MROH1: variants seen among roughly 807,000 people sequenced by gnomAD.
MROH1 encodes maestro heat-like repeat-containing protein family member 1.
MROH1 carries 117 observed loss-of-function variants against 116.5 expected under a neutral mutation model. The ratio of observed to expected loss-of-function variants is 1.00; its 90% confidence interval spans 0.86 to 1.17. The LOEUF is 1.17. MROH1 is among the 50% of genes most tolerant of loss of function. MROH1 has a pLI of 0.00. For missense variants in MROH1, 1,873 were observed against 1,338.5 expected (o/e 1.40, Z -6.23); for synonymous variants, 921 against 583.9 (o/e 1.58, Z -8.32).
chr8:144,187,806 TG>T (rs1827567261), intron 7 of MROH1, among the ~76,000 whole-genome samples: 1 of 152,146 alleles, frequency 6.6e-6, no homozygotes, highest in African/African-American at 2.4e-5. Flanking sequence ...TTTGTCTGGG[TG>T]GCGCTTCTCA....
rs948400112 is a variant in MROH1 at position 144,241,119 on chromosome 8, C to T, written c.2055+8C>T. The stretch of plus-strand genomic sequence containing the variant: ...GAGGAGGCAGAACGCGAGGTGGGGC[C>T]GCTTTCCCTGCAGAAGCCCCAGACA... On this transcript the variant is annotated splice_region_variant and intron_variant, in intron 21 of 43. Coordinates refer to ENST00000326134, the MANE Select transcript of MROH1 (RefSeq NM_032450.3). 8 of 749,638 alleles carry T rather than the reference C, an allele frequency of 1.1e-5. No homozygotes were observed. The highest frequency in any genetic ancestry group is 1.9e-5 in the Admixed American group (1 of 54,044). 46.4% of individuals were successfully genotyped at this position (749,638 alleles called of 1,614,324 possible). A position where few individuals can be genotyped will look rare whatever the true frequency, so the allele number is the denominator to read the frequency against.
At position 144,234,775 on chromosome 8, in the gene MROH1, C is replaced by T. The variant is rs72695483; in HGVS notation, c.1339-3981C>T. On this transcript the variant is annotated intron_variant, in intron 14 of 43. Coordinates refer to ENST00000326134, the MANE Select transcript of MROH1 (RefSeq NM_032450.3). ...TCAAGCCATCTACCCACCTTGGCCT[C>T]CTTAAGTGCTGGGACCACAGGTGTG... Among the ~76,000 whole-genome samples, 784 of 151,016 alleles carry T rather than the reference C, an allele frequency of 5.2e-3. 3 individuals are homozygous for T. Among genetic ancestry groups the T allele is most frequent in the Non-Finnish European group, 8.7e-3 (592 of 67,780 alleles).
intron 3 of MROH1, among the ~76,000 whole-genome samples, 177 bp downstream of exon 3, chr8:144,164,025 A>G (rs964096403): frequency 1.3e-5 from 2 of 151,530 alleles, no homozygotes; most frequent in Non-Finnish European, 2.9e-5. Context: ...CTTCTCCCAC[A>G]CGAGCCTTCA....
At position 144,180,531 on chromosome 8, in the gene MROH1, G is replaced by A. The variant is rs1207035356; in HGVS notation, c.562+8G>A. 6.2e-7 allele frequency: 1 copy of A among 1,607,270 alleles called. No individual in the cohort carries two copies. Among genetic ancestry groups the A allele is most frequent in the East Asian group, 2.2e-5 (1 of 44,836 alleles). ...GCGTGGCCTTCTGCTCCGGTAAGAG[G>A]CGGCCTCGTCACCTTCTGTCTCAAG... On this transcript the variant is annotated splice_region_variant and intron_variant, in intron 7 of 43. Transcript: ENST00000326134. The surrounding 1 kb of genome is among the most constrained non-coding windows in gnomAD (Gnocchi z 7.4).
chr8:144,232,639 G>A (rs1461120313), intron 14 of MROH1, among the ~76,000 whole-genome samples: 1 of 151,608 alleles, frequency 6.6e-6, no homozygotes, highest in Non-Finnish European at 1.5e-5. Context: ...GACTACATGC[G>A]CACACCGCCA....
chr8:144,218,122 C>T lies in MROH1; in HGVS notation c.1142-2478C>T, dbSNP rs556528859. On this transcript the variant is annotated intron_variant, in intron 12 of 43. Transcript: ENST00000326134. ...TCTTGCCCCATGGCTTGGAAGCCAG[C>T]GCCCCGTCAGCCCCTATCCTAGTGT... 2.0e-5 allele frequency among the ~76,000 whole-genome samples: 3 copies of T among 152,286 alleles called. No homozygotes were observed. The South Asian group carries it at 6.2e-4, about 32-fold the overall frequency.
chr8:144,251,966 TG>T, intron 33 of MROH1: 1 of 235,294 alleles, frequency 4.2e-6, no homozygotes, highest in Non-Finnish European at 8.5e-6. Flanking sequence ...CGGGTGCTGC[TG>T]CCCATCCTTC....
chr8:144,234,532 T>TTTTTTTTTTTTTTTTTTTTTTTTTTTG (rs1839682306), intron 14 of MROH1, among the ~76,000 whole-genome samples: 1 of 124,312 alleles, frequency 8.0e-6, no homozygotes, highest in Admixed American at 8.2e-5. Context: ...TTTTTTTTTT[T>TTTTTTTTTTTTTTTTTTTTTTTTTTTG]TTCAAAAAGA....
At chr8:144,228,379 C>A (rs985875414) in intron 14 of MROH1, among the ~76,000 whole-genome samples, 3 of 152,158 alleles carry the variant, frequency 2.0e-5, no homozygotes, top group African/African-American at 4.8e-5. Flanking sequence ...CAGTCATAAT[C>A]TTCTTGTTGG....
chr8:144,183,793 G>T (rs73366541), intron 7 of MROH1, among the ~76,000 whole-genome samples: 1 of 151,784 alleles, frequency 6.6e-6, no homozygotes, highest in Non-Finnish European at 1.5e-5. Context: ...GACTACAGGC[G>T]CCCACCACCA....
At position 144,259,928 on chromosome 8, in the gene MROH1, G is replaced by A; in HGVS notation, c.4062G>A (p.Val1354=). Residue 1354 remains valine (V), a synonymous_variant, in exon 38 of 44, where the codon GTG becomes GTA. Coordinates refer to ENST00000326134, the MANE Select transcript of MROH1 (RefSeq NM_032450.3). ...AFLAELLNSN[V]ANDLMLLDSL... The stretch of plus-strand genomic sequence containing the variant: ...GCCTGCAGCTGCTGAACAGCAACGT[G>A]GCCAACGACCTCATGCTCTTGGACT... The A allele has an allele frequency of 2.7e-6, 2 of 741,696 alleles. No homozygotes were observed. The highest frequency in any genetic ancestry group is 3.7e-5 in the Admixed American group (2 of 53,872). The allele number at this position is 741,696 out of a possible 1,614,324, so 45.9% of individuals were successfully genotyped here.
intron 34 of MROH1, 138 bp downstream of exon 34, chr8:144,255,116 G>A (rs1469675562): frequency 1.6e-6 from 1 of 608,676 alleles, no homozygotes; most frequent in South Asian, 1.9e-5. Context: ...TGGGAGCTCT[G>A]AGCTCAGGCT....
chr8:144,178,970 C>T (rs895025394), intron 4 of MROH1, among the ~76,000 whole-genome samples: 1 of 151,866 alleles, frequency 6.6e-6, no homozygotes, highest in Admixed American at 6.6e-5. Flanking sequence ...GTGGAGGTGG[C>T]TTGGGGGCGT....
intron 12 of MROH1, among the ~76,000 whole-genome samples, chr8:144,217,462 A>G (rs1015947622): frequency 1.3e-5 from 2 of 152,220 alleles, no homozygotes; most frequent in Admixed American, 6.5e-5. Flanking sequence ...AATCTGAAAC[A>G]CATCGGGTCG....
At chr8:144,261,572 G>A (rs992251190) in intron 43 of MROH1, 83 bp from the exon 44 acceptor site, 22 of 700,284 alleles carry the variant, frequency 3.1e-5, no homozygotes, top group African/African-American at 2.8e-4. Context: ...CCCAGCAGAG[G>A]CTGTCAGGAG....
Position 144,176,032 on chromosome 8 carries a change from G to C in MROH1, c.169-3423G>C, listed in dbSNP as rs545682581. Among the ~76,000 whole-genome samples, 4 of 152,104 alleles carry C rather than the reference G, an allele frequency of 2.6e-5. No homozygotes were observed. In the East Asian group the frequency reaches 7.7e-4, roughly 29 times the overall value. ...ACACTGCACTCCAACCTGGGTGACA[G>C]GGCGAGACTCTGTCTCAAAAAAATA... On this transcript the variant is annotated intron_variant, in intron 4 of 43. Coordinates refer to ENST00000326134, the MANE Select transcript of MROH1 (RefSeq NM_032450.3).
At chr8:144,210,045 T>G (rs1305501691) in intron 12 of MROH1, among the ~76,000 whole-genome samples, 1 of 151,836 alleles carries the variant, frequency 6.6e-6, no homozygotes, top group African/African-American at 2.4e-5. Flanking sequence ...CGCCCCTCCT[T>G]GCATCCTATT....
rs1211723608 is a variant in MROH1, at chr8:144,259,058, G to C, written c.3929+144G>C. 4 of 650,566 alleles carry C rather than the reference G, an allele frequency of 6.1e-6. No homozygotes were observed. In the East Asian group the frequency reaches 1.1e-4, roughly 18 times the overall value. 40.3% of individuals were successfully genotyped at this position (650,566 alleles called of 1,614,324 possible). A position where few individuals can be genotyped will look rare whatever the true frequency, so the allele number is the denominator to read the frequency against. On this transcript the variant is annotated intron_variant, in intron 36 of 43. Transcript: ENST00000326134. The stretch of plus-strand genomic sequence containing the variant: ...TCCTGCCTGTTCACTCTCTGGGGCA[G>C]GGGTAGGGAGGCACCCCTGCAGAGG...
At chr8:144,244,387 G>A (rs1841527780) in intron 27 of MROH1, 51 bp downstream of exon 27, 2 of 723,902 alleles carry the variant, frequency 2.8e-6, no homozygotes, top group East Asian at 2.6e-5. Context: ...AGTGGTGGGA[G>A]GCCACTGTAG....
Sources: gnomAD v4.1 joint callset for allele counts (sites outside exome capture counted in the v4.1 genomes callset) on GRCh38, gnomAD v4.1.1 for gene constraint, Gnocchi (gnomAD v3.1) non-coding constraint, MANE v1.5 for transcripts, NCBI Gene and HGNC (gene_info 2026-07-23, HGNC 2026-07-21) for gene names.